Variants in MYOM1 observed in about 807,000 individuals in gnomAD.
MYOM1 encodes the protein myomesin 1, also known as myomesin-1.
A neutral mutation model predicts 205.3 loss-of-function variants in MYOM1; 164 were observed. That is an observed-to-expected ratio of 0.80 (90% CI 0.70 to 0.91). MYOM1 has a LOEUF of 0.91. MYOM1 is among the 40% of genes least tolerant of loss of function. The probability of loss-of-function intolerance (pLI) is 0.00; values close to 1 mark genes in which losing one functional copy is unlikely to be tolerated. For missense variants in MYOM1, 2,011 were observed against 2,127.3 expected, an observed-to-expected ratio of 0.95 and a Z score of 1.08; for synonymous variants, 772 against 789.4, an observed-to-expected ratio of 0.98 and a Z score of 0.37.
chr18:3,198,790 G>GAAA (rs796981410), intron 2 of MYOM1, among the ~76,000 whole-genome samples: 2 of 95,700 alleles, frequency 2.1e-5, no homozygotes, highest in South Asian at 3.4e-4. Context: ...CTCAAAAAAA[G>GAAA]AAAAAAAAAA....
At chr18:3,094,650 T>TTTTTTC (rs961834822) in intron 25 of MYOM1, among the ~76,000 whole-genome samples, 10 of 151,730 alleles carry the variant, frequency 6.6e-5, no homozygotes, top group Admixed American at 1.3e-4. Context: ...TTGGTTGGTG[T>TTTTTTC]TTTTTCTTTT....
At chr18:3,182,063 A>G (rs2080741173) in intron 5 of MYOM1, among the ~76,000 whole-genome samples, 1 of 152,104 alleles carries the variant, frequency 6.6e-6, no homozygotes, top group African/African-American at 2.4e-5. Flanking sequence ...CATGTATTAT[A>G]AATGCTTTGC....
the MYOM1 span, among the ~76,000 whole-genome samples, chr18:3,226,699 G>A: frequency 6.6e-6 from 1 of 152,130 alleles, no homozygotes; most frequent in Non-Finnish European, 1.5e-5. This position sits in a 1 kb window ranked among gnomAD's most constrained non-coding sequence, Gnocchi z 4.6. Flanking sequence ...TGCACAATGA[G>A]TACTCACTGG....
chr18:3,211,995 G>A (rs1306336561), intron 2 of MYOM1, among the ~76,000 whole-genome samples: 2 of 152,134 alleles, frequency 1.3e-5, no homozygotes, highest in African/African-American at 4.8e-5. Context: ...GCTTCATTTT[G>A]AGCAAGCTAA....
At chr18:3,156,778 T>G (rs2080307296) in intron 10 of MYOM1, among the ~76,000 whole-genome samples, 1 of 152,058 alleles carries the variant, frequency 6.6e-6, no homozygotes, top group African/African-American at 2.4e-5. Flanking sequence ...CGGCTAATTT[T>G]TTTTGTATTT....
At chr18:3,092,367 A>T (rs752369556) in intron 26 of MYOM1, among the ~76,000 whole-genome samples, 63 of 152,082 alleles carry the variant, frequency 4.1e-4, no homozygotes, top group African/African-American at 7.7e-4. Context: ...ATTTTTAAAA[A>T]TTTTTTGTAG....
intron 10 of MYOM1, among the ~76,000 whole-genome samples, chr18:3,159,349 C>T (rs1386079348): frequency 6.6e-6 from 1 of 152,184 alleles, no homozygotes; most frequent in African/African-American, 2.4e-5. Flanking sequence ...GTTTTCTAAG[C>T]TGTAAGAATA....
the MYOM1 span, among the ~76,000 whole-genome samples, chr18:3,227,533 T>C: frequency 1.1e-4 from 16 of 152,058 alleles, no homozygotes; most frequent in Non-Finnish European, 1.9e-4. Flanking sequence ...TCTAGAGCAA[T>C]GTGAGCCGGG....
chr18:3,234,151 G>A, the MYOM1 span, among the ~76,000 whole-genome samples: 1 of 152,210 alleles, frequency 6.6e-6, no homozygotes, highest in Non-Finnish European at 1.5e-5. Flanking sequence ...ACACTTTGCA[G>A]AGAGCTTGGC....
At chr18:3,223,482 T>C (rs1466537461), upstream of MYOM1, among the ~76,000 whole-genome samples, 2 of 152,214 alleles carry the variant, frequency 1.3e-5, no homozygotes, top group Non-Finnish European at 2.9e-5. Context: ...ATAAGAAAGG[T>C]ATCATATTTG....
At chr18:3,239,323 T>C in the MYOM1 span, among the ~76,000 whole-genome samples, 1 of 151,924 alleles carries the variant, frequency 6.6e-6, no homozygotes, top group Non-Finnish European at 1.5e-5. Flanking sequence ...TGTTGGCTGG[T>C]GGGTAAATGT....
intron 20 of MYOM1, 74 bp downstream of exon 20, chr18:3,119,795 A>G: frequency 6.5e-7 from 1 of 1,532,260 alleles, no homozygotes; most frequent in Non-Finnish European, 8.8e-7. Flanking sequence ...AGTACTTTGA[A>G]TTTCATTCCA....
At chr18:3,159,655 A>G (rs1205703929) in intron 10 of MYOM1, among the ~76,000 whole-genome samples, 2 of 152,228 alleles carry the variant, frequency 1.3e-5, no homozygotes, top group Admixed American at 1.3e-4. Context: ...AATGCAATTT[A>G]ATAAGAAAAA....
intron 21 of MYOM1, among the ~76,000 whole-genome samples, chr18:3,116,081 A>C (rs2079600628): frequency 6.6e-6 from 1 of 152,164 alleles, no homozygotes; most frequent in African/African-American, 2.4e-5. Flanking sequence ...AGGCAAGGAG[A>C]GAAAGGAGAG....
At chr18:3,071,356 G>T (rs2078957025) in intron 37 of MYOM1, among the ~76,000 whole-genome samples, 2 of 151,780 alleles carry the variant, frequency 1.3e-5, no homozygotes. Context: ...AAGATGATTG[G>T]AAAACCGACT....
At chr18:3,242,824 T>A in the MYOM1 span, among the ~76,000 whole-genome samples, 4 of 152,232 alleles carry the variant, frequency 2.6e-5, no homozygotes, top group South Asian at 2.1e-4. Context: ...TATGTCTTTA[T>A]CAGCAGAATG....
chr18:3,166,562 A>C (rs1287221011), intron 9 of MYOM1, among the ~76,000 whole-genome samples: 1 of 152,128 alleles, frequency 6.6e-6, no homozygotes, highest in Non-Finnish European at 1.5e-5. Context: ...CTGGGATCAC[A>C]GGCCTGAGCC....
In MYOM1 at chr18:3,209,592, C is replaced by T. The variant is rs1272945132; in HGVS notation, c.290+5342G>A. Reference sequence around the variant, plus strand: ...CTTTCTGACATCCTCTCCACCTGCACTATCCATCACTCCCCCATTCCCTTG... The same window carrying T: ...CTTTCTGACATCCTCTCCACCTGCATTATCCATCACTCCCCCATTCCCTTG... On this transcript the variant is annotated intron_variant, in intron 2 of 37. Coordinates refer to ENST00000356443, the MANE Select transcript of MYOM1 (RefSeq NM_003803.4). The surrounding 1 kb of genome is among the most constrained non-coding windows in gnomAD (Gnocchi z 4.0). 1.3e-5 allele frequency among the ~76,000 whole-genome samples: 2 copies of T among 152,252 alleles called. No individual in the cohort carries two copies. The highest frequency in any genetic ancestry group is 4.8e-5 in the African/African-American group (2 of 41,464).
chr18:3,227,543 G>T, the MYOM1 span, among the ~76,000 whole-genome samples: 1 of 152,158 alleles, frequency 6.6e-6, no homozygotes, highest in Non-Finnish European at 1.5e-5. Flanking sequence ...TGTGAGCCGG[G>T]CGCGGTGGCT....
Sources: gnomAD v4.1 joint callset for allele counts (sites outside exome capture counted in the v4.1 genomes callset) on GRCh38, gnomAD v4.1.1 for gene constraint, Gnocchi (gnomAD v3.1) non-coding constraint, MANE v1.5 for transcripts, NCBI Gene and HGNC (gene_info 2026-07-23, HGNC 2026-07-21) for gene names.